The following PDZD2 variants were observed in gnomAD, a reference collection of about 807,000 sequenced individuals.
PDZD2 encodes the protein PDZ domain containing 2.
A neutral mutation model predicts 220.7 loss-of-function variants in PDZD2; 90 were observed. The observed-to-expected ratio is 0.41, with a 90% confidence interval of 0.34 to 0.49. The LOEUF is 0.49. PDZD2 is among the 20% of genes least tolerant of loss of function. The pLI, the probability that PDZD2 is intolerant of heterozygous loss-of-function variation, is 0.28. For missense variants in PDZD2, 3,174 were observed against 3,608.5 expected (o/e 0.88, Z 3.08); for synonymous variants, 1,375 against 1,450.5 (o/e 0.95, Z 1.18).
At chr5:31,902,408 A>G (rs192588440) in intron 2 of PDZD2, among the ~76,000 whole-genome samples, 1 of 150,886 alleles carries the variant, frequency 6.6e-6, no homozygotes, top group East Asian at 1.9e-4. Flanking sequence ...ACATCTATTC[A>G]GATCTTTAGC....
rs758365684 is a variant in PDZD2 at position 32,061,154 on chromosome 5, T to A, written c.2451+20T>A. The A allele has an allele frequency of 6.2e-7, 1 of 1,613,050 alleles. No individual in the cohort carries two copies. Among genetic ancestry groups the A allele is most frequent in the East Asian group, 2.2e-5 (1 of 44,878 alleles). On this transcript the variant is annotated intron_variant, in intron 14 of 24. Coordinates refer to ENST00000438447, the MANE Select transcript of PDZD2 (RefSeq NM_178140.4). ...CCAAAGGTGAGGTGGTCCACCCTCTTCTGAACGTGGGAAGATGATACACCT... is the reference window on the plus strand; with the variant it reads ...CCAAAGGTGAGGTGGTCCACCCTCTACTGAACGTGGGAAGATGATACACCT...
intron 2 of PDZD2, among the ~76,000 whole-genome samples, chr5:31,926,384 G>T (rs1421549539): frequency 2.0e-5 from 3 of 150,118 alleles, no homozygotes; most frequent in African/African-American, 7.6e-5. Flanking sequence ...AAATTAGCCA[G>T]GCGTGGTGGT....
At chr5:31,661,912 A>G (rs1361445502) in intron 1 of PDZD2, among the ~76,000 whole-genome samples, 1 of 151,960 alleles carries the variant, frequency 6.6e-6, no homozygotes, top group Non-Finnish European at 1.5e-5. Context: ...TGGCCCAGAC[A>G]CCAACACTCT....
intron 1 of PDZD2, among the ~76,000 whole-genome samples, chr5:31,644,587 A>G (rs1745067887): frequency 6.6e-6 from 1 of 152,218 alleles, no homozygotes; most frequent in South Asian, 2.1e-4. Context: ...AAGCCTCTCC[A>G]GCTCCAGGAA....
chr5:32,049,281 C>A (rs1052780417), intron 8 of PDZD2, among the ~76,000 whole-genome samples: 1 of 152,318 alleles, frequency 6.6e-6, no homozygotes, highest in South Asian at 2.1e-4. Context: ...TGGTAGAAAC[C>A]GGTCAGGTGG....
intron 1 of PDZD2, among the ~76,000 whole-genome samples, chr5:31,707,214 A>G (rs545980650): frequency 4.6e-5 from 7 of 151,790 alleles, no homozygotes; most frequent in Admixed American, 2.0e-4. Flanking sequence ...ATGACGAGTT[A>G]ATGGGTGCAG....
intron 2 of PDZD2, among the ~76,000 whole-genome samples, chr5:31,837,461 G>T (rs1757013763): frequency 6.6e-6 from 1 of 152,190 alleles, no homozygotes; most frequent in South Asian, 2.1e-4. Flanking sequence ...AGTGGCTCAT[G>T]CCTGTAGTCC....
intron 2 of PDZD2, among the ~76,000 whole-genome samples, chr5:31,930,196 CTTTTTTTTT>C (rs760145512): frequency 0.14 from 13,893 of 102,160 alleles, 936 homozygotes; most frequent in South Asian, 0.29. Flanking sequence ...CTCAGGTATT[CTTTTTTTTT>C]TTTTTTTTTT....
At chr5:32,058,849 A>G (rs1046515036) in intron 12 of PDZD2, among the ~76,000 whole-genome samples, 9 of 152,200 alleles carry the variant, frequency 5.9e-5, no homozygotes, top group African/African-American at 2.2e-4. Context: ...CACCTACTCT[A>G]GAAACATGAT....
At chr5:31,814,445 A>G (rs1368308188) in intron 2 of PDZD2, among the ~76,000 whole-genome samples, 5 of 152,208 alleles carry the variant, frequency 3.3e-5, no homozygotes, top group Non-Finnish European at 7.3e-5. Flanking sequence ...GCAGACACCA[A>G]TCAACTTGGG....
At chr5:31,882,316 A>C (rs1344715070) in intron 2 of PDZD2, among the ~76,000 whole-genome samples, 1 of 152,184 alleles carries the variant, frequency 6.6e-6, no homozygotes. Flanking sequence ...AATAGCAGGC[A>C]AGAGAAAAGG....
chr5:31,954,379 T>C (rs1747470659), intron 2 of PDZD2, among the ~76,000 whole-genome samples: 1 of 152,250 alleles, frequency 6.6e-6, no homozygotes, highest in Non-Finnish European at 1.5e-5. Context: ...AGAAAATGTG[T>C]CTCCATGTCT....
chr5:32,078,042 C>T (rs60172969), intron 19 of PDZD2: 8,828 of 189,634 alleles, frequency 0.047, 860 homozygotes, highest in African/African-American at 0.2. Context: ...ATACTGCCTG[C>T]ATTTAGCACC....
chr5:31,982,718 C>T (rs1410886439), intron 2 of PDZD2, among the ~76,000 whole-genome samples: 3 of 152,206 alleles, frequency 2.0e-5, no homozygotes, highest in African/African-American at 7.2e-5. Context: ...TTATACTTCC[C>T]CTAATCCACT....
At chr5:32,011,969 T>A (rs1346600004) in intron 6 of PDZD2, among the ~76,000 whole-genome samples, 1 of 152,228 alleles carries the variant, frequency 6.6e-6, no homozygotes, top group African/African-American at 2.4e-5. Flanking sequence ...CCCTGTGCTC[T>A]GTGCTGGCAC....
intron 2 of PDZD2, among the ~76,000 whole-genome samples, chr5:31,972,361 G>T (rs530759331): frequency 6.6e-6 from 1 of 152,074 alleles, no homozygotes; most frequent in African/African-American, 2.4e-5. Context: ...TGATCCACCC[G>T]CCTCAGTCTC....
intron 1 of PDZD2, among the ~76,000 whole-genome samples, chr5:31,689,564 T>A (rs1431645729): frequency 6.6e-6 from 1 of 151,578 alleles, no homozygotes; most frequent in Non-Finnish European, 1.5e-5. Flanking sequence ...GTATGTGATA[T>A]GTCTAATAAG....
intron 2 of PDZD2, chr5:31,847,972 G>T (rs771673017): frequency 1.4e-4 from 59 of 425,362 alleles, no homozygotes; most frequent in Non-Finnish European, 2.1e-4. Flanking sequence ...CAGACATGAT[G>T]GGGATGTATA....
rs1561312865 is a variant in PDZD2, at chr5:32,002,765, C to CACACCA, written c.1254+2494_1254+2495insACACCA. On this transcript the variant is annotated intron_variant, in intron 5 of 24. Coordinates refer to ENST00000438447, the MANE Select transcript of PDZD2 (RefSeq NM_178140.4). ...CACACCAACACACACACCCCACACA[C>CACACCA]CACACACACCAACACACAACCACAC... Among the ~76,000 whole-genome samples, 72 of 107,140 alleles carry CACACCA rather than the reference C, an allele frequency of 6.7e-4. 5 individuals carry two copies. The highest frequency in any genetic ancestry group is 1.2e-3 in the Non-Finnish European group (65 of 56,490). 70.3% of individuals were successfully genotyped at this position (107,140 alleles called of 152,430 possible).
Sources: allele counts gnomAD v4.1 joint callset (sites outside exome capture counted in the v4.1 genomes callset), GRCh38; gene constraint gnomAD v4.1.1; transcripts MANE v1.5; gene names NCBI Gene and HGNC (gene_info 2026-07-23, HGNC 2026-07-21).